The following MACROD2 variants were observed in gnomAD, a reference collection of about 807,000 sequenced individuals.
The protein encoded by MACROD2 is ADP-ribose glycohydrolase MACROD2.
A neutral mutation model predicts 70.4 loss-of-function variants in MACROD2; 36 were observed. The ratio of observed to expected loss-of-function variants is 0.51; its 90% CI spans 0.39 to 0.68. The LOEUF (loss-of-function observed/expected upper bound fraction) is 0.68. Ranked by LOEUF, MACROD2 falls within the 30% of genes least tolerant of loss-of-function variation. The pLI is 0.00. For synonymous variants in MACROD2, 172 were observed against 178.8 expected (o/e 0.96, Z 0.30); for missense variants, 496 against 538.4 (o/e 0.92, Z 0.78).
At chr20:14,667,132 T>G (rs1233445236) in intron 4 of MACROD2, among the ~76,000 whole-genome samples, 3 of 152,128 alleles carry the variant, frequency 2.0e-5, no homozygotes, top group African/African-American at 4.8e-5. Flanking sequence ...CAGAATGCCT[T>G]ATCGTAATGT....
chr20:14,272,503 A>T (rs2082205482), intron 3 of MACROD2, among the ~76,000 whole-genome samples: 1 of 152,132 alleles, frequency 6.6e-6, no homozygotes, highest in Non-Finnish European at 1.5e-5. Context: ...AGCACTAAAC[A>T]TGGAAAGGAA....
chr20:14,684,975 T>C lies in MACROD2; in HGVS notation c.418+16T>C, dbSNP rs2070984864. ...CCTGCAAAATGTGAGTACAACTGAA[T>C]ACTGTTTCAAAACCAGATGAGACAT... is the stretch of plus-strand genomic sequence containing the variant. On this transcript the variant is annotated intron_variant, in intron 5 of 17. Coordinates refer to ENST00000684519, the MANE Select transcript of MACROD2 (RefSeq NM_001351661.2). 1.3e-6 allele frequency: 2 copies of C among 1,589,528 alleles called. No individual in the cohort carries two copies. Among genetic ancestry groups the C allele is most frequent in the Admixed American group, 3.3e-5 (2 of 59,838 alleles).
intron 4 of MACROD2, among the ~76,000 whole-genome samples, chr20:14,674,191 A>G (rs1016745823): frequency 6.6e-6 from 1 of 152,128 alleles, no homozygotes; most frequent in Admixed American, 6.6e-5. Context: ...GAAAGAGACT[A>G]TGGTTTATAT....
At chr20:14,208,960 TA>T (rs1307416269) in intron 3 of MACROD2, among the ~76,000 whole-genome samples, 1 of 152,200 alleles carries the variant, frequency 6.6e-6, no homozygotes, top group African/African-American at 2.4e-5. Context: ...AGTTTTCTCG[TA>T]CTATGAGAAG....
intron 12 of MACROD2, among the ~76,000 whole-genome samples, chr20:15,951,435 G>T (rs1012482393): frequency 1.2e-4 from 18 of 151,706 alleles, no homozygotes; most frequent in African/African-American, 4.4e-4. Flanking sequence ...TAATTGGCTG[G>T]CTAGTGGCAA....
At chr20:15,512,372 G>A (rs1038820708) in intron 8 of MACROD2, among the ~76,000 whole-genome samples, 2 of 152,220 alleles carry the variant, frequency 1.3e-5, no homozygotes, top group Non-Finnish European at 1.5e-5. Flanking sequence ...CCTGTTGATA[G>A]TAATCATTGT....
intron 5 of MACROD2, among the ~76,000 whole-genome samples, chr20:15,017,791 C>A (rs1307406337): frequency 6.6e-6 from 1 of 152,212 alleles, no homozygotes; most frequent in Non-Finnish European, 1.5e-5. Context: ...CCCTCTGAAG[C>A]CACAGCCCAA....
chr20:15,089,998 G>A (rs1250026582), intron 5 of MACROD2, among the ~76,000 whole-genome samples: 46 of 152,228 alleles, frequency 3.0e-4, no homozygotes, highest in East Asian at 1.9e-4. Context: ...ATAGGGCTAC[G>A]TAGGATCAGC....
At chr20:15,157,920 C>T (rs2076320747) in intron 5 of MACROD2, among the ~76,000 whole-genome samples, 1 of 152,122 alleles carries the variant, frequency 6.6e-6, no homozygotes, top group African/African-American at 2.4e-5. Context: ...CCAAGGCTCC[C>T]CATTGCTGTG....
At chr20:15,399,663 G>A (rs895725092) in intron 6 of MACROD2, among the ~76,000 whole-genome samples, 8 of 152,208 alleles carry the variant, frequency 5.3e-5, no homozygotes, top group African/African-American at 1.7e-4. Context: ...AGCATTTTAA[G>A]TGAAAGAAAG....
chr20:14,921,340 A>T (rs2074160810), intron 5 of MACROD2, among the ~76,000 whole-genome samples: 1 of 152,218 alleles, frequency 6.6e-6, no homozygotes, highest in Non-Finnish European at 1.5e-5. Context: ...ATGTACATTT[A>T]GGAGGAGATT....
chr20:15,656,039 C>T (rs1302485450), intron 8 of MACROD2, among the ~76,000 whole-genome samples: 2 of 152,172 alleles, frequency 1.3e-5, no homozygotes, highest in South Asian at 2.1e-4. Flanking sequence ...CTCCAGTGAT[C>T]TAGTAACTCC....
intron 5 of MACROD2, among the ~76,000 whole-genome samples, chr20:14,978,323 A>G (rs2074761135): frequency 6.6e-6 from 1 of 152,084 alleles, no homozygotes; most frequent in Non-Finnish European, 1.5e-5. Flanking sequence ...AACTTCTATT[A>G]AAGTGGCCAC....
At chr20:15,020,286 A>G (rs1301125162) in intron 5 of MACROD2, among the ~76,000 whole-genome samples, 1 of 152,192 alleles carries the variant, frequency 6.6e-6, no homozygotes, top group East Asian at 1.9e-4. Context: ...GGATACTTCT[A>G]TCTATACTTT....
intron 3 of MACROD2, among the ~76,000 whole-genome samples, chr20:14,232,055 G>T (rs895306163): frequency 2.6e-5 from 4 of 152,148 alleles, no homozygotes; most frequent in African/African-American, 9.7e-5. Flanking sequence ...TTTGTCAGAT[G>T]AGTAGATTGC....
intron 5 of MACROD2, among the ~76,000 whole-genome samples, chr20:14,833,035 A>G (rs1230390058): frequency 2.6e-5 from 4 of 152,202 alleles, no homozygotes; most frequent in African/African-American, 9.6e-5. Flanking sequence ...GTCTTCTGCC[A>G]TAGCCACATG....
chr20:14,925,793 C>T (rs2074223529), intron 5 of MACROD2, among the ~76,000 whole-genome samples: 1 of 152,082 alleles, frequency 6.6e-6, no homozygotes, highest in Non-Finnish European at 1.5e-5. Flanking sequence ...CGAATTGGTA[C>T]CTTAAATTAT....
intron 4 of MACROD2, among the ~76,000 whole-genome samples, chr20:14,515,465 G>GCGCGCACACA (rs1369248292): frequency 1.8e-3 from 226 of 127,166 alleles, no homozygotes; most frequent in Non-Finnish European, 2.6e-3. Context: ...ACACACACAC[G>GCGCGCACACA]CACACACACA....
intron 16 of MACROD2, among the ~76,000 whole-genome samples, chr20:16,043,586 C>A (rs900652327): frequency 3.3e-5 from 5 of 152,096 alleles, no homozygotes; most frequent in Non-Finnish European, 2.9e-5. Flanking sequence ...AGTAATCATG[C>A]ATTCTATTTT....
Sources: gnomAD v4.1 joint callset for allele counts (sites outside exome capture counted in the v4.1 genomes callset) on GRCh38, gnomAD v4.1.1 for gene constraint, MANE v1.5 for transcripts, NCBI Gene and HGNC (gene_info 2026-07-23, HGNC 2026-07-21) for gene names.